Variants in SEZ6 observed in about 807,000 individuals in gnomAD.
SEZ6 encodes seizure related 6 homolog.
A neutral mutation model predicts 101.0 loss-of-function variants in SEZ6; 53 were observed. The ratio of observed to expected loss-of-function variants is 0.52; its 90% confidence interval spans 0.42 to 0.66. The LOEUF (loss-of-function observed/expected upper bound fraction) is 0.66, where lower values mean the gene tolerates loss of function less well. Among genes scored for constraint, SEZ6 ranks in the 30% least tolerant of loss-of-function variants. The probability of loss-of-function intolerance (pLI) is 0.00; values close to 1 mark genes in which losing one functional copy is unlikely to be tolerated. For missense variants in SEZ6, 1,102 were observed against 1,289.4 expected (o/e 0.85, Z 2.23); for synonymous variants, 488 against 512.2 (o/e 0.95, Z 0.64).
chr17:28,957,764 G>C, intron 11 of SEZ6, 183 bp downstream of exon 11: 1 of 855,332 alleles, frequency 1.2e-6, no homozygotes, highest in Non-Finnish European at 1.8e-6. Context: ...AATACTTAGA[G>C]TACGTGGCTG....
At chr17:28,961,529 G>A (rs1384981717) in intron 5 of SEZ6, among the ~76,000 whole-genome samples, 1 of 152,186 alleles carries the variant, frequency 6.6e-6, no homozygotes, top group Non-Finnish European at 1.5e-5. Context: ...AAAGGGGTTA[G>A]CACTAGATCC....
chr17:28,995,894 T>C (rs2041530493), intron 1 of SEZ6, among the ~76,000 whole-genome samples: 1 of 152,122 alleles, frequency 6.6e-6, no homozygotes, highest in South Asian at 2.1e-4. Flanking sequence ...TGGAGGTCCC[T>C]GGGTGGGCCA....
chr17:28,957,854 C>T (rs1318950543), intron 11 of SEZ6, 93 bp downstream of exon 11: 42 of 1,384,474 alleles, frequency 3.0e-5, no homozygotes, highest in South Asian at 1.1e-4. Context: ...TTTGAAGATA[C>T]TAGCTAATAA....
Position 28,958,832 on chromosome 17 carries a change from C to G in SEZ6, c.2107+193G>C, listed in dbSNP as rs77195719. Among the ~76,000 whole-genome samples, 1,486 of 152,192 alleles carry G rather than the reference C, an allele frequency of 9.8e-3. 20 individuals carry two copies. The highest frequency in any genetic ancestry group is 0.034 in the African/African-American group (1,418 of 41,518). On this transcript the variant is annotated intron_variant, in intron 10 of 16. Coordinates refer to ENST00000317338, the MANE Select transcript of SEZ6 (RefSeq NM_178860.5). Reference sequence around the variant, plus strand: ...AAGTTGTTCTGCTGCCTACCCAAACCCCTCTTGCCACTATAGAATTCTGGC... The same window carrying G: ...AAGTTGTTCTGCTGCCTACCCAAACGCCTCTTGCCACTATAGAATTCTGGC...
intron 4 of SEZ6, 49 bp downstream of exon 4, chr17:28,969,708 G>A (rs2041122295): frequency 2.1e-6 from 3 of 1,404,620 alleles, no homozygotes; most frequent in Non-Finnish European, 2.8e-6. Context: ...CCCCAGCAAG[G>A]AGGGCAGCGA....
chr17:28,993,473 A>G (rs865908645), intron 1 of SEZ6, among the ~76,000 whole-genome samples: 3 of 152,294 alleles, frequency 2.0e-5, no homozygotes, highest in Non-Finnish European at 2.9e-5. Flanking sequence ...AGCAGCAGAG[A>G]CCATATTTCT....
chr17:28,961,919 G>C (rs1027742517), intron 5 of SEZ6, among the ~76,000 whole-genome samples: 4 of 152,186 alleles, frequency 2.6e-5, no homozygotes, highest in African/African-American at 9.7e-5. Flanking sequence ...AAAGCTCCTG[G>C]GGGGCTGGGG....
chr17:28,985,976 CGAGT>C, intron 1 of SEZ6, among the ~76,000 whole-genome samples: 1 of 152,134 alleles, frequency 6.6e-6, no homozygotes, highest in Non-Finnish European at 1.5e-5. Flanking sequence ...CTGCATTCTC[CGAGT>C]GGGCTGGGTC....
chr17:28,984,616 G>A (rs557926175), intron 1 of SEZ6, among the ~76,000 whole-genome samples: 4 of 152,208 alleles, frequency 2.6e-5, no homozygotes, highest in Non-Finnish European at 4.4e-5. Flanking sequence ...ATCTGGGATC[G>A]AGATAGCATA....
At chr17:28,986,847 A>G (rs1485719919) in intron 1 of SEZ6, among the ~76,000 whole-genome samples, 1 of 152,140 alleles carries the variant, frequency 6.6e-6, no homozygotes, top group Admixed American at 6.5e-5. Context: ...TCATCTATGG[A>G]CAGACATATA....
rs1423794879 is a variant in SEZ6, at chr17:28,982,052, G to A, written c.56-13C>T. On this transcript the variant is annotated splice_polypyrimidine_tract_variant and intron_variant, in intron 1 of 16. Transcript: ENST00000317338. ...TCTAAAGAGAGTCCTGAAATAATAA[G>A]GGATGGTCAGAGGTTCTCCCCCTGC... The A allele has an allele frequency of 1.3e-6, 2 of 1,564,162 alleles. No homozygotes were observed. Among genetic ancestry groups the A allele is most frequent in the Non-Finnish European group, 1.7e-6 (2 of 1,156,702 alleles).
chr17:28,963,463 G>T (rs980750207), intron 5 of SEZ6, among the ~76,000 whole-genome samples: 1 of 152,140 alleles, frequency 6.6e-6, no homozygotes, highest in Admixed American at 6.5e-5. Context: ...ATTGCCACAT[G>T]TCTCAGGCTT....
At chr17:28,963,909 GCC>G (rs1485407754) in intron 5 of SEZ6, 51 bp downstream of exon 5, 1 of 1,556,484 alleles carries the variant, frequency 6.4e-7, no homozygotes, top group South Asian at 1.2e-5. Flanking sequence ...GCAGGGATGA[GCC>G]CCCACCTCAC....
At chr17:28,974,801 T>G (rs1183674328) in intron 3 of SEZ6, among the ~76,000 whole-genome samples, 1 of 152,236 alleles carries the variant, frequency 6.6e-6, no homozygotes, top group Non-Finnish European at 1.5e-5. Flanking sequence ...GGGCAGATCC[T>G]GACAGGTACC....
chr17:29,003,565 C>T (rs570795478), intron 1 of SEZ6, among the ~76,000 whole-genome samples: 2 of 152,364 alleles, frequency 1.3e-5, no homozygotes, highest in South Asian at 4.1e-4. Context: ...AGGCTCATAG[C>T]CTGAGGTCTT....
At chr17:28,998,268 A>T (rs1483973788) in intron 1 of SEZ6, among the ~76,000 whole-genome samples, 1 of 152,038 alleles carries the variant, frequency 6.6e-6, no homozygotes, top group Non-Finnish European at 1.5e-5. Flanking sequence ...TTTTCACAGT[A>T]ACCCCAAGTT....
intron 1 of SEZ6, among the ~76,000 whole-genome samples, chr17:28,986,058 T>C (rs1367935079): frequency 1.3e-5 from 2 of 152,214 alleles, no homozygotes; most frequent in Non-Finnish European, 2.9e-5. Context: ...TCCCAGCGCC[T>C]GCCGCCCCCA....
Position 28,981,388 on chromosome 17 carries a change from G to GTGATGGTGGTGGTGA in SEZ6, c.692_706dup (p.Ile231_Ile235dup), listed in dbSNP as rs1244599325. ...TAGCTGACCTGGTGTCTGGACTGTG[G>GTGATGGTGGTGGTGA]TGATGGTGGTGGTGATGATGGTGGT... On this transcript the variant is annotated inframe_insertion, in exon 2 of 17. Transcript: ENST00000317338. The GTGATGGTGGTGGTGA allele has an allele frequency of 1.2e-5, 19 of 1,551,126 alleles. No homozygotes were observed. In the African/African-American group the frequency reaches 2.3e-4, roughly 19 times the overall value.
In SEZ6 at chr17:28,964,242, A is replaced by T. The variant is rs144886784; in HGVS notation, c.1055-95T>A. 5,151 of 1,350,100 alleles carry T rather than the reference A, an allele frequency of 3.8e-3. 24 individuals are homozygous for T. Among genetic ancestry groups the T allele is most frequent in the South Asian group, 7.7e-3 (560 of 72,526 alleles). The allele number at this position is 1,350,100 out of a possible 1,614,324, so 83.6% of individuals were successfully genotyped here. On this transcript the variant is annotated intron_variant, in intron 4 of 16. Transcript: ENST00000317338. ...GGGAGGTCTGCCTCAGTCTGCCTGG[A>T]GGTGTCATTTGGGGCCAGAGGAAGC...
Sources: allele counts gnomAD v4.1 joint callset (sites outside exome capture counted in the v4.1 genomes callset), GRCh38; gene constraint gnomAD v4.1.1; transcripts MANE v1.5; gene names NCBI Gene and HGNC (gene_info 2026-07-23, HGNC 2026-07-21).